The following PLBD1 variants were observed in gnomAD, a reference collection of about 807,000 sequenced individuals.
PLBD1 encodes the protein lysosomal leucine aminopeptidase.
A neutral mutation model predicts 63.0 loss-of-function variants in PLBD1; 60 were observed. The observed-to-expected ratio is 0.95, with a 90% CI of 0.77 to 1.18. PLBD1 has a LOEUF of 1.18. Among genes scored for constraint, PLBD1 ranks in the 50% most tolerant of loss-of-function variants. The pLI, the probability that PLBD1 is intolerant of heterozygous loss-of-function variation, is 0.00. For synonymous variants in PLBD1, 262 were observed against 248.0 expected (o/e 1.06, Z -0.53); for missense variants, 598 against 677.9 (o/e 0.88, Z 1.31).
intron 2 of PLBD1, among the ~76,000 whole-genome samples, chr12:14,548,596 AC>A (rs1231695111): frequency 3.3e-5 from 5 of 152,072 alleles, no homozygotes; most frequent in African/African-American, 1.2e-4. Flanking sequence ...AAGAGGTAAC[AC>A]CAAGCACAAA....
chr12:14,532,641 C>G (rs982738354), intron 6 of PLBD1, among the ~76,000 whole-genome samples: 1 of 152,174 alleles, frequency 6.6e-6, no homozygotes, highest in Non-Finnish European at 1.5e-5. Flanking sequence ...CTCCTTAGGG[C>G]ATCTTGTTGA....
intron 1 of PLBD1, among the ~76,000 whole-genome samples, chr12:14,557,418 C>T (rs890805529): frequency 6.6e-6 from 1 of 152,122 alleles, no homozygotes; most frequent in African/African-American, 2.4e-5. Context: ...CCTAAAGGCC[C>T]ATCAGTGGTA....
chr12:14,517,820 T>G (rs1251849725), intron 6 of PLBD1, among the ~76,000 whole-genome samples: 1 of 152,222 alleles, frequency 6.6e-6, no homozygotes, highest in Non-Finnish European at 1.5e-5. Flanking sequence ...TAGAAGTTAA[T>G]GGTAGACAAC....
At chr12:14,510,287 A>C (rs1945287052) in intron 8 of PLBD1, among the ~76,000 whole-genome samples, 2 of 152,118 alleles carry the variant, frequency 1.3e-5, no homozygotes, top group South Asian at 4.1e-4. Context: ...CCAGCTACTC[A>C]GGAGGCTGAG....
intron 6 of PLBD1, among the ~76,000 whole-genome samples, chr12:14,514,793 G>A (rs1459562122): frequency 6.7e-6 from 1 of 149,060 alleles, no homozygotes; most frequent in African/African-American, 2.5e-5. Flanking sequence ...GGCTGGTGTC[G>A]AGCTTTAGAG....
At chr12:14,523,362 T>A (rs111693348) in intron 6 of PLBD1, among the ~76,000 whole-genome samples, 1 of 152,286 alleles carries the variant, frequency 6.6e-6, no homozygotes, top group African/African-American at 2.4e-5. Context: ...AGATATTCCA[T>A]GTTTACGGAT....
intron 1 of PLBD1, among the ~76,000 whole-genome samples, chr12:14,560,528 C>G (rs565455124): frequency 6.6e-6 from 1 of 152,144 alleles, no homozygotes; most frequent in East Asian, 1.9e-4. Context: ...TATGTCTGCT[C>G]GGCTAGTCTC....
Position 14,521,979 on chromosome 12 carries a change from T to C in PLBD1, c.845-10268A>G, listed in dbSNP as rs188545791. On this transcript the variant is annotated intron_variant, in intron 6 of 10. Transcript: ENST00000240617. Reference sequence around the variant, plus strand: ...AAAAAAAACTCTTGGAGCTGAAGACTTTAATGAATGAAATAAAAAATATAA... The same window carrying C: ...AAAAAAAACTCTTGGAGCTGAAGACCTTAATGAATGAAATAAAAAATATAA... 7.4e-4 allele frequency among the ~76,000 whole-genome samples: 111 copies of C among 150,120 alleles called. 1 individual carries two copies. In the East Asian group the frequency reaches 0.012, roughly 16 times the overall value.
chr12:14,535,583 A>G (rs996530585), intron 6 of PLBD1, 76 bp downstream of exon 6: 2 of 1,472,902 alleles, frequency 1.4e-6, no homozygotes, highest in Non-Finnish European at 1.9e-6. Context: ...CTCCCATTGC[A>G]GTTAACACTG....
intron 1 of PLBD1, among the ~76,000 whole-genome samples, chr12:14,561,122 G>GTGA (rs1437560640): frequency 6.6e-6 from 1 of 151,066 alleles, no homozygotes; most frequent in East Asian, 1.9e-4. Flanking sequence ...TAAAAGGCAA[G>GTGA]TGAGAGGATG....
intron 1 of PLBD1, among the ~76,000 whole-genome samples, chr12:14,564,436 C>A (rs1945765299): frequency 6.6e-6 from 1 of 152,294 alleles, no homozygotes; most frequent in South Asian, 2.1e-4. Flanking sequence ...AGGCAAGCAC[C>A]ATGCAGTGGA....
intron 6 of PLBD1, among the ~76,000 whole-genome samples, chr12:14,533,809 G>A (rs1945487868): frequency 6.6e-6 from 1 of 152,192 alleles, no homozygotes. Context: ...AAAGGATCAG[G>A]TCACAAGGAC....
At chr12:14,504,354 T>C (rs912720735) in intron 10 of PLBD1, among the ~76,000 whole-genome samples, 1 of 152,224 alleles carries the variant, frequency 6.6e-6, no homozygotes, top group Non-Finnish European at 1.5e-5. Context: ...CAGGCCGCCT[T>C]CTTTAAAACA....
At chr12:14,542,445 T>C (rs904014304) in intron 2 of PLBD1, among the ~76,000 whole-genome samples, 154 bp from the exon 3 acceptor site, 2 of 152,332 alleles carry the variant, frequency 1.3e-5, no homozygotes, top group South Asian at 2.1e-4. Flanking sequence ...CAGTTTCAAA[T>C]TGGGAAATAT....
At chr12:14,516,078 C>T (rs1361432351) in intron 6 of PLBD1, among the ~76,000 whole-genome samples, 1 of 151,748 alleles carries the variant, frequency 6.6e-6, no homozygotes, top group African/African-American at 2.4e-5. Flanking sequence ...CGCCTGTAAT[C>T]CCAGCACTTT....
intron 8 of PLBD1, among the ~76,000 whole-genome samples, chr12:14,508,547 T>C (rs575001487): frequency 2.6e-5 from 4 of 152,028 alleles, no homozygotes; most frequent in Non-Finnish European, 5.9e-5. Flanking sequence ...GGCAGGTGGA[T>C]TGCTTGAGCT....
intron 7 of PLBD1, 40 bp downstream of exon 7, chr12:14,511,471 A>G: frequency 6.2e-7 from 1 of 1,614,022 alleles, no homozygotes; most frequent in Non-Finnish European, 8.5e-7. Flanking sequence ...AAATCAAAAT[A>G]TATGTCTGTG....
chr12:14,522,967 C>G (rs112312615), intron 6 of PLBD1, among the ~76,000 whole-genome samples: 1 of 151,972 alleles, frequency 6.6e-6, no homozygotes, highest in Admixed American at 6.6e-5. Context: ...GACACAAATG[C>G]ACCACTTTTA....
In PLBD1 at chr12:14,567,705, G is replaced by C; in HGVS notation, c.-9C>G. ...GGACCGCCGCGGGTCATCGCTCCAC[G>C]GCCGCGACCTTCCTCTGCGGGATCA... is the stretch of plus-strand genomic sequence containing the variant. On this transcript the variant is annotated 5_prime_UTR_variant, in exon 1 of 11. Transcript: ENST00000240617. 2 of 1,425,582 alleles carry C rather than the reference G, an allele frequency of 1.4e-6. No individual in the cohort carries two copies. Among genetic ancestry groups the C allele is most frequent in the Non-Finnish European group, 1.8e-6 (2 of 1,103,720 alleles). The allele number at this position is 1,425,582 out of a possible 1,614,324, so 88.3% of individuals were successfully genotyped here. A position where few individuals can be genotyped will look rare whatever the true frequency, so the allele number is the denominator to read the frequency against.
Sources: allele counts gnomAD v4.1 joint callset (sites outside exome capture counted in the v4.1 genomes callset), GRCh38; gene constraint gnomAD v4.1.1; transcripts MANE v1.5; gene names NCBI Gene and HGNC (gene_info 2026-07-23, HGNC 2026-07-21).